Variants in NCEH1 observed in about 807,000 individuals in gnomAD.
The protein encoded by NCEH1 is 2-acetyl MAGE hydrolase.
In NCEH1, 9 loss-of-function variants were observed where a neutral mutation model predicts 25.4. That is an observed-to-expected ratio of 0.35 (90% CI 0.21 to 0.62). The LOEUF (loss-of-function observed/expected upper bound fraction) is 0.62. Ranked by LOEUF, NCEH1 falls within the 20% of genes least tolerant of loss-of-function variation. The probability of loss-of-function intolerance (pLI) is 0.72; values close to 1 mark genes in which losing one functional copy is unlikely to be tolerated. For missense variants in NCEH1, 412 were observed against 501.1 expected (o/e 0.82, Z 1.70); for synonymous variants, 200 against 199.8 (o/e 1.00, Z -0.01).
chr3:172,634,929 G>A (rs555646080), intron 4 of NCEH1, among the ~76,000 whole-genome samples: 2 of 152,272 alleles, frequency 1.3e-5, no homozygotes, highest in Non-Finnish European at 1.5e-5. Context: ...AAGCAAGAAT[G>A]GTCAGTAAAT....
chr3:172,690,771 C>T (rs1712989087), intron 1 of NCEH1, among the ~76,000 whole-genome samples: 2 of 152,118 alleles, frequency 1.3e-5, no homozygotes, highest in Non-Finnish European at 1.5e-5. Flanking sequence ...TGTTAGAATT[C>T]TAATGTTAAT....
At chr3:172,641,775 T>TA (rs1287411533) in intron 3 of NCEH1, among the ~76,000 whole-genome samples, 1 of 152,152 alleles carries the variant, frequency 6.6e-6, no homozygotes, top group East Asian at 1.9e-4. Flanking sequence ...TCCCAAGCCC[T>TA]CTTACTACAC....
chr3:172,704,485 TG>T (rs1713871522), intron 1 of NCEH1, among the ~76,000 whole-genome samples: 1 of 152,228 alleles, frequency 6.6e-6, no homozygotes. Context: ...ACCCTATCAC[TG>T]GCAGTTGGTT....
intron 1 of NCEH1, among the ~76,000 whole-genome samples, chr3:172,693,588 T>G (rs747317166): frequency 1.3e-5 from 2 of 152,340 alleles, no homozygotes; most frequent in South Asian, 2.1e-4. Context: ...TCTCGAAATA[T>G]GCTTTGAGAG....
intron 1 of NCEH1, among the ~76,000 whole-genome samples, chr3:172,689,003 C>T (rs1336345296): frequency 6.6e-6 from 1 of 152,182 alleles, no homozygotes. Flanking sequence ...ATGTGGCTAC[C>T]ACTGACTAAA....
At chr3:172,634,228 T>C (rs1716506659) in intron 4 of NCEH1, 136 bp from the exon 5 acceptor site, 1 of 813,644 alleles carries the variant, frequency 1.2e-6, no homozygotes, top group Middle Eastern at 3.7e-4. Flanking sequence ...AGGCACTGTA[T>C]AAATAATAAA....
intron 3 of NCEH1, among the ~76,000 whole-genome samples, chr3:172,645,080 AATT>A (rs1717054415): frequency 6.6e-6 from 1 of 152,164 alleles, no homozygotes; most frequent in Admixed American, 6.6e-5. Flanking sequence ...TTATCATCAA[AATT>A]ATTATAATTA....
intron 1 of NCEH1, among the ~76,000 whole-genome samples, chr3:172,687,493 A>C (rs1327853529): frequency 2.6e-5 from 4 of 152,236 alleles, no homozygotes; most frequent in Non-Finnish European, 5.9e-5. Flanking sequence ...AATTCAATAA[A>C]TATTTATTAC....
At chr3:172,653,753 T>TTTG (rs1553830349) in intron 1 of NCEH1, among the ~76,000 whole-genome samples, 11 of 85,996 alleles carry the variant, frequency 1.3e-4, no homozygotes, top group South Asian at 2.8e-4. Context: ...TGTTTTTTTG[T>TTTG]TTTTTTGTTT....
intron 1 of NCEH1, among the ~76,000 whole-genome samples, chr3:172,708,548 G>A (rs1023346566): frequency 4.6e-5 from 7 of 152,098 alleles, no homozygotes; most frequent in African/African-American, 7.2e-5. Flanking sequence ...GTAGAAAGAG[G>A]TTTCACTATG....
chr3:172,654,681 G>A (rs764290448), intron 1 of NCEH1, among the ~76,000 whole-genome samples: 16 of 152,154 alleles, frequency 1.1e-4, no homozygotes, highest in African/African-American at 1.9e-4. Flanking sequence ...CAATGACTTC[G>A]CATCTGGTCA....
intron 1 of NCEH1, among the ~76,000 whole-genome samples, chr3:172,704,477 C>T (rs1264306923): frequency 6.6e-6 from 1 of 152,192 alleles, no homozygotes; most frequent in Non-Finnish European, 1.5e-5. Context: ...AAGCACCTAC[C>T]CTATCACTGG....
intron 1 of NCEH1, among the ~76,000 whole-genome samples, chr3:172,701,865 T>C (rs1713714240): frequency 6.6e-6 from 1 of 152,114 alleles, no homozygotes; most frequent in East Asian, 1.9e-4. Flanking sequence ...AGACTGTCAG[T>C]TGCTCCTTTC....
intron 1 of NCEH1, among the ~76,000 whole-genome samples, chr3:172,706,266 G>A (rs1713980949): frequency 6.6e-6 from 1 of 151,900 alleles, no homozygotes; most frequent in African/African-American, 2.4e-5. Context: ...TTATGGCCCA[G>A]AAGAAAAAAA....
intron 1 of NCEH1, among the ~76,000 whole-genome samples, chr3:172,701,449 C>CTTT (rs10701435): frequency 0.018 from 1,991 of 110,942 alleles, 143 homozygotes; most frequent in African/African-American, 0.072. Flanking sequence ...GGTCTTTTGC[C>CTTT]TTTTTTTTTT....
Position 172,693,412 on chromosome 3 carries a change from T to A in NCEH1, c.138+17435A>T, listed in dbSNP as rs184373962. The stretch of plus-strand genomic sequence containing the variant: ...TAAGGATTACAGGTGTGTCAAATTT[T>A]AACATGCTACCCATGATTGCTTGCC... On this transcript the variant is annotated intron_variant, in intron 1 of 4. Transcript: ENST00000475381. Among the ~76,000 whole-genome samples, 562 of 150,300 alleles carry A rather than the reference T, an allele frequency of 3.7e-3. 3 individuals carry two copies. The highest frequency in any genetic ancestry group is 0.013 in the African/African-American group (541 of 40,770).
chr3:172,676,301 G>A (rs1486901575), intron 1 of NCEH1, among the ~76,000 whole-genome samples: 1 of 152,096 alleles, frequency 6.6e-6, no homozygotes, highest in South Asian at 2.1e-4. Context: ...GCTTTGATAC[G>A]CAAATGCCGC....
rs569773771 is a variant in NCEH1, at chr3:172,691,825, T to C, written c.138+19022A>G. 5.3e-5 allele frequency among the ~76,000 whole-genome samples: 8 copies of C among 152,374 alleles called. No individual in the cohort carries two copies. The East Asian group carries it at 1.5e-3, about 29-fold the overall frequency. On this transcript the variant is annotated intron_variant, in intron 1 of 4. Coordinates refer to ENST00000475381, the MANE Select transcript of NCEH1 (RefSeq NM_020792.6). ...TAGCCGGGCGTGGTGGCAGCACCTG[T>C]AGTCTCATCTACTCGGGAGGCTGAG... is the stretch of plus-strand genomic sequence containing the variant.
chr3:172,645,404 CG>C (rs1717072520), intron 3 of NCEH1, among the ~76,000 whole-genome samples: 1 of 152,104 alleles, frequency 6.6e-6, no homozygotes, highest in South Asian at 2.1e-4. Flanking sequence ...TCAAAACTAA[CG>C]GTGAAAAGGT....
Sources: gnomAD v4.1 joint callset for allele counts (sites outside exome capture counted in the v4.1 genomes callset) on GRCh38, gnomAD v4.1.1 for gene constraint, MANE v1.5 for transcripts, NCBI Gene and HGNC (gene_info 2026-07-23, HGNC 2026-07-21) for gene names.